The following ANK1 variants were observed in gnomAD, a reference collection of about 807,000 sequenced individuals.
ANK1 encodes ankyrin-1.
In ANK1, 51 loss-of-function variants were observed where a neutral mutation model predicts 210.4. The observed-to-expected ratio is 0.24, with a 90% CI of 0.19 to 0.31. The LOEUF (loss-of-function observed/expected upper bound fraction) is 0.31. Ranked by LOEUF, ANK1 falls within the 10% of genes least tolerant of loss-of-function variation. The pLI, the probability that ANK1 is intolerant of heterozygous loss-of-function variation, is 1.00. For synonymous variants in ANK1, 967 were observed against 1,025.9 expected, an observed-to-expected ratio of 0.94 and a Z score of 1.10; for missense variants, 2,051 against 2,504.4, an observed-to-expected ratio of 0.82 and a Z score of 3.86.
At chr8:41,829,009 A>T (rs3739368) in intron 1 of ANK1, 34,064 of 152,248 alleles carry the variant, frequency 0.22, 4,733 homozygotes, top group African/African-American at 0.39. Flanking sequence ...CCACCGCCGC[A>T]GTTGAAAGAA....
rs150280064 is a variant in ANK1 at position 41,819,540 on chromosome 8, G to A, written c.127-61403C>T. ...CCCTTGGACACATGGGGAACCTCCA[G>A]GCACCAGCCTGTCAATCTATGATGC... On this transcript the variant is annotated intron_variant, in intron 1 of 42. Transcript: ENST00000265709. Among the ~76,000 whole-genome samples the A allele has an allele frequency of 1.2e-4, 19 of 152,318 alleles. No individual in the cohort carries two copies. The East Asian group carries it at 3.7e-3, about 29-fold the overall frequency.
intron 1 of ANK1, among the ~76,000 whole-genome samples, chr8:41,779,854 G>C (rs13264191): frequency 0.22 from 33,699 of 151,998 alleles, 4,743 homozygotes; most frequent in Non-Finnish European, 0.3. Flanking sequence ...GCCACCGCAA[G>C]CATTCTGCTT....
intron 1 of ANK1, among the ~76,000 whole-genome samples, chr8:41,850,716 A>C (rs1442685861): frequency 6.6e-6 from 1 of 152,224 alleles, no homozygotes; most frequent in East Asian, 1.9e-4. Context: ...TCCTGGGCTC[A>C]AGCCATCCTC....
intron 2 of ANK1, among the ~76,000 whole-genome samples, chr8:41,743,897 G>A (rs528391185): frequency 3.3e-5 from 5 of 152,210 alleles, no homozygotes; most frequent in Admixed American, 6.5e-5. Flanking sequence ...ATGACAACCC[G>A]GAGCAATGGG....
intron 1 of ANK1, among the ~76,000 whole-genome samples, 184 bp from the exon 2 acceptor site, chr8:41,758,321 C>T (rs1390917356): frequency 6.6e-6 from 1 of 152,186 alleles, no homozygotes; most frequent in Non-Finnish European, 1.5e-5. Flanking sequence ...ACACCCAGGC[C>T]TCCCTTCCTT....
Position 41,694,747 on chromosome 8 carries a change from C to T in ANK1, c.3172G>A (p.Asp1058Asn), listed in dbSNP as rs183044726. 6.8e-6 allele frequency: 11 copies of T among 1,614,128 alleles called. No individual in the cohort carries two copies. The highest frequency in any genetic ancestry group is 4.4e-5 in the South Asian group (4 of 91,074). The change falls in exon 28 of 43, where the codon GAC (aspartate) becomes AAC (asparagine). Residue 1058 changes from aspartate to asparagine, a missense_variant. Coordinates refer to ENST00000289734, the MANE Select transcript of ANK1 (RefSeq NM_000037.4). This position sits in a 1 kb window ranked among gnomAD's most constrained non-coding sequence, Gnocchi z 5.7. ...KKRVCRIITT[D>N]FPLYFVIMSR... ...ATGATCACGAAGTACAGCGGGAAGT[C>T]GGTGGTGATGATTCGGCACACCCTC...
At chr8:41,675,928 C>T (rs1376473255) in intron 37 of ANK1, among the ~76,000 whole-genome samples, 5 of 152,196 alleles carry the variant, frequency 3.3e-5, no homozygotes, top group Admixed American at 1.3e-4. Flanking sequence ...GGGTTTCATC[C>T]ATGCTGATGC....
At chr8:41,661,285 A>G (rs1227360363) in intron 42 of ANK1, 145 bp downstream of exon 42, 2 of 1,247,780 alleles carry the variant, frequency 1.6e-6, no homozygotes, top group African/African-American at 1.5e-5. Context: ...AGGGTTGGGA[A>G]GTGAGAATCT....
intron 2 of ANK1, among the ~76,000 whole-genome samples, chr8:41,742,232 T>C (rs1424721957): frequency 3.3e-5 from 5 of 152,226 alleles, no homozygotes; most frequent in African/African-American, 1.2e-4. Flanking sequence ...GCTCTTCTGA[T>C]TGCCCCAGTT....
At chr8:41,751,582 G>A (rs114186401) in intron 2 of ANK1, among the ~76,000 whole-genome samples, 6 of 152,238 alleles carry the variant, frequency 3.9e-5, no homozygotes, top group South Asian at 2.1e-4. Context: ...CCCAGGCTGC[G>A]TAAGGAGCCC....
intron 40 of ANK1, among the ~76,000 whole-genome samples, chr8:41,662,830 T>C (rs890386258): frequency 6.6e-6 from 1 of 152,024 alleles, no homozygotes; most frequent in African/African-American, 2.4e-5. Context: ...ATTTTACCCA[T>C]AGCTAGCACC....
chr8:41,690,414 G>A, intron 32 of ANK1, 60 bp downstream of exon 32: 2 of 1,614,224 alleles, frequency 1.2e-6, no homozygotes, highest in South Asian at 2.2e-5. Context: ...CTGGTTTAGG[G>A]AATTCTGCCT....
chr8:41,781,217 T>C (rs1353412163), intron 1 of ANK1, among the ~76,000 whole-genome samples: 1 of 152,236 alleles, frequency 6.6e-6, no homozygotes, highest in South Asian at 2.1e-4. Context: ...GTGGGTTCCA[T>C]CTGTGGCCCA....
chr8:41,724,392 G>C, intron 7 of ANK1, 64 bp downstream of exon 7: 13 of 1,372,302 alleles, frequency 9.5e-6, no homozygotes, highest in East Asian at 2.5e-5. Flanking sequence ...CCATGGTGCC[G>C]AGGCAGGAGC....
intron 1 of ANK1, among the ~76,000 whole-genome samples, chr8:41,860,531 G>A (rs1813085375): frequency 6.6e-6 from 1 of 152,224 alleles, no homozygotes; most frequent in Admixed American, 6.5e-5. Flanking sequence ...GGGAAGGCCA[G>A]CTCCAGTTGT....
chr8:41,877,487 G>A (rs745927372), intron 1 of ANK1, among the ~76,000 whole-genome samples: 16 of 152,320 alleles, frequency 1.1e-4, no homozygotes, highest in African/African-American at 2.9e-4. Context: ...CTGTGGTGCC[G>A]ATCCATTATT....
rs190823922 is a variant in ANK1 at position 41,839,729 on chromosome 8, G to A, written c.126+56626C>T. Among the ~76,000 whole-genome samples, 23 of 152,264 alleles carry A rather than the reference G, an allele frequency of 1.5e-4. No individual in the cohort carries two copies. In the East Asian group the frequency reaches 4.2e-3, roughly 28 times the overall value. ...GGGGTCATCTGTCAAGGTGGCCAAA[G>A]ACAAGGAAAATCTGAGACACCGTCA... On this transcript the variant is annotated intron_variant, in intron 1 of 42. Transcript: ENST00000265709.
intron 1 of ANK1, among the ~76,000 whole-genome samples, chr8:41,877,718 G>A (rs932962260): frequency 3.3e-5 from 5 of 152,226 alleles, no homozygotes; most frequent in Middle Eastern, 3.2e-3. Context: ...TGGGAGCCAG[G>A]CGGGGGCGAA....
In ANK1 at chr8:41,699,540, G is replaced by T; in HGVS notation, c.2470C>A (p.Leu824Ile). 6.2e-7 allele frequency: 1 copy of T among 1,614,124 alleles called. No individual in the cohort carries two copies. Among genetic ancestry groups the T allele is most frequent in the Non-Finnish European group, 8.5e-7 (1 of 1,180,012 alleles). ...LDVSEDEGEELISFKAERRDS... is the reference protein window; with the variant it reads ...LDVSEDEGEEIISFKAERRDS... Reference sequence around the variant, plus strand: ...CGCCTCTCAGCCTTGAAGCTGATGAGTTCTTCCCCTGAAACAGCAAGAGCT... The same window carrying T: ...CGCCTCTCAGCCTTGAAGCTGATGATTTCTTCCCCTGAAACAGCAAGAGCT... The change falls in exon 23 of 43, where the codon CTC (leucine) becomes ATC (isoleucine). Residue 824 changes from leucine (L) to isoleucine (I), a missense_variant. Coordinates refer to ENST00000289734, the MANE Select transcript of ANK1 (RefSeq NM_000037.4).
Sources: gnomAD v4.1 joint callset for allele counts (sites outside exome capture counted in the v4.1 genomes callset) on GRCh38, gnomAD v4.1.1 for gene constraint, Gnocchi (gnomAD v3.1) non-coding constraint, MANE v1.5 for transcripts, NCBI Gene and HGNC (gene_info 2026-07-23, HGNC 2026-07-21) for gene names.